PRMT8: variants seen among roughly 807,000 people sequenced by gnomAD.
PRMT8 encodes protein arginine methyltransferase 8, also known as protein arginine N-methyltransferase 8.
A neutral mutation model predicts 47.1 loss-of-function variants in PRMT8; 7 were observed. That is an observed-to-expected ratio of 0.15 (90% CI 0.08 to 0.28). PRMT8 has a LOEUF of 0.28. Among genes scored for constraint, PRMT8 ranks in the 10% least tolerant of loss-of-function variants. The pLI is 1.00. For synonymous variants in PRMT8, 188 were observed against 186.5 expected, an observed-to-expected ratio of 1.01 and a Z score of -0.07; for missense variants, 237 against 505.4, an observed-to-expected ratio of 0.47 and a Z score of 5.09.
intron 1 of PRMT8, among the ~76,000 whole-genome samples, chr12:3,472,256 G>A (rs1013210691): frequency 6.6e-6 from 1 of 152,218 alleles, no homozygotes; most frequent in African/African-American, 2.4e-5. Flanking sequence ...GCCTCTGTTT[G>A]CTTGACATTC....
intron 1 of PRMT8, among the ~76,000 whole-genome samples, chr12:3,484,290 C>T (rs1318883634): frequency 1.3e-5 from 2 of 152,134 alleles, no homozygotes; most frequent in African/African-American, 4.8e-5. Context: ...AATGAAATGG[C>T]AAACAGAAGG....
intron 1 of PRMT8, among the ~76,000 whole-genome samples, chr12:3,534,085 G>A (rs1338140682): frequency 1.3e-5 from 2 of 152,242 alleles, no homozygotes; most frequent in African/African-American, 4.8e-5. Flanking sequence ...AGAGTGGGGT[G>A]AGGCCCAGGC....
At chr12:3,407,617 T>C (rs1864385887) in intron 1 of PRMT8, among the ~76,000 whole-genome samples, 1 of 152,166 alleles carries the variant, frequency 6.6e-6, no homozygotes, top group Non-Finnish European at 1.5e-5. Context: ...GTTGAATCTG[T>C]CAGGGGGCCC....
chr12:3,568,229 T>A (rs1195437675), intron 4 of PRMT8, among the ~76,000 whole-genome samples: 1 of 152,054 alleles, frequency 6.6e-6, no homozygotes, highest in Non-Finnish European at 1.5e-5. Flanking sequence ...CATGAAGGTC[T>A]CTGTCCTCAT....
At chr12:3,467,678 C>T (rs980288477) in intron 1 of PRMT8, among the ~76,000 whole-genome samples, 1 of 152,232 alleles carries the variant, frequency 6.6e-6, no homozygotes, top group African/African-American at 2.4e-5. Context: ...AGAGACAACA[C>T]TTACAACATT....
intron 1 of PRMT8, among the ~76,000 whole-genome samples, chr12:3,498,483 CT>C (rs1865542319): frequency 6.6e-6 from 1 of 152,188 alleles, no homozygotes; most frequent in Non-Finnish European, 1.5e-5. Context: ...TCTTGCCATC[CT>C]CACTTTCACA....
At chr12:3,545,440 A>G (rs112544548) in intron 2 of PRMT8, among the ~76,000 whole-genome samples, 4 of 152,380 alleles carry the variant, frequency 2.6e-5, no homozygotes, top group African/African-American at 9.6e-5. Context: ...ATTTAAAGCC[A>G]GAATTGAACT....
chr12:3,438,780 A>T (rs985401168), intron 1 of PRMT8, among the ~76,000 whole-genome samples: 2 of 152,218 alleles, frequency 1.3e-5, no homozygotes, highest in Non-Finnish European at 2.9e-5. Context: ...ATAAGAACAG[A>T]GTGGTGAGTT....
At chr12:3,541,094 C>T (rs935644325) in intron 2 of PRMT8, among the ~76,000 whole-genome samples, 3 of 152,202 alleles carry the variant, frequency 2.0e-5, no homozygotes, top group African/African-American at 4.8e-5. Flanking sequence ...AGCCATAAAC[C>T]CAGCTCATCC....
chr12:3,516,315 GTTCA>G (rs145251076), intron 1 of PRMT8, among the ~76,000 whole-genome samples: 3,697 of 152,124 alleles, frequency 0.024, 136 homozygotes, highest in African/African-American at 0.079. Flanking sequence ...TTGTTAAGGG[GTTCA>G]TTCATTCATT....
rs942964887 is a variant in PRMT8, at chr12:3,456,400, T to G, written c.48+74958T>G. The stretch of plus-strand genomic sequence containing the variant: ...AGGGAAAAACCCTAGCACCCACATA[T>G]CCATCACCCACACTGTTTTCGACAG... On this transcript the variant is annotated intron_variant, in intron 1 of 9. Transcript: ENST00000452611. This position sits in a 1 kb window ranked among gnomAD's most constrained non-coding sequence, Gnocchi z 4.2. Among the ~76,000 whole-genome samples the G allele has an allele frequency of 7.9e-5, 12 of 152,078 alleles. No homozygotes were observed. The highest frequency in any genetic ancestry group is 2.9e-4 in the African/African-American group (12 of 41,378).
chr12:3,405,571 A>G (rs996447192), intron 1 of PRMT8, among the ~76,000 whole-genome samples: 17 of 152,244 alleles, frequency 1.1e-4, no homozygotes, highest in African/African-American at 4.1e-4. Flanking sequence ...TACTTTGTAG[A>G]TACAATGCAG....
At position 3,532,125 on chromosome 12, in the gene PRMT8, G is replaced by A. The variant is rs557117623; in HGVS notation, c.76-8481G>A. Among the ~76,000 whole-genome samples the A allele has an allele frequency of 7.2e-4, 110 of 152,070 alleles. 1 individual carries two copies. Among genetic ancestry groups the A allele is most frequent in the African/African-American group, 2.4e-3 (99 of 41,510 alleles). On this transcript the variant is annotated intron_variant, in intron 1 of 9. Transcript: ENST00000382622. ...TAAAACAGAAACACTGTTTGAAGTC[G>A]GAGCCCAGGTTGTTTCTTTCAGAAC... is the stretch of plus-strand genomic sequence containing the variant.
chr12:3,450,470 G>A (rs1701712318), intron 1 of PRMT8, among the ~76,000 whole-genome samples: 1 of 152,152 alleles, frequency 6.6e-6, no homozygotes, highest in Admixed American at 6.5e-5. Flanking sequence ...GCAGATGCAG[G>A]TTTTCCAAAA....
At chr12:3,420,035 CAGAG>C (rs145716727) in intron 1 of PRMT8, among the ~76,000 whole-genome samples, 17,615 of 131,606 alleles carry the variant, frequency 0.13, 1,350 homozygotes, top group South Asian at 0.21. Context: ...GAGAGACAGA[CAGAG>C]AGAGAGAGAG....
chr12:3,421,466 C>G (rs1232741841), intron 1 of PRMT8, among the ~76,000 whole-genome samples: 1 of 152,198 alleles, frequency 6.6e-6, no homozygotes, highest in Non-Finnish European at 1.5e-5. Flanking sequence ...TGCTTAGATC[C>G]TGGGTCCTCA....
At chr12:3,577,601 C>T (rs564361992) in intron 7 of PRMT8, among the ~76,000 whole-genome samples, 1 of 152,200 alleles carries the variant, frequency 6.6e-6, no homozygotes, top group Non-Finnish European at 1.5e-5. Context: ...CTCTGGGCCA[C>T]ATGTGGTCCA....
At chr12:3,420,502 G>T (rs573821899) in intron 1 of PRMT8, among the ~76,000 whole-genome samples, 1 of 152,294 alleles carries the variant, frequency 6.6e-6, no homozygotes, top group Non-Finnish European at 1.5e-5. Context: ...AGCTGAAAAA[G>T]CCAGACGCTG....
At chr12:3,477,911 C>A (rs181529361) in intron 1 of PRMT8, among the ~76,000 whole-genome samples, 32 of 152,288 alleles carry the variant, frequency 2.1e-4, no homozygotes, top group African/African-American at 7.7e-4. Flanking sequence ...TCCTACCTTT[C>A]TGAGGATGTT....
Sources: gnomAD v4.1 joint callset for allele counts (sites outside exome capture counted in the v4.1 genomes callset) on GRCh38, gnomAD v4.1.1 for gene constraint, Gnocchi (gnomAD v3.1) non-coding constraint, MANE v1.5 for transcripts, NCBI Gene and HGNC (gene_info 2026-07-23, HGNC 2026-07-21) for gene names.